The following XKR4 variants were observed in gnomAD, a reference collection of about 807,000 sequenced individuals.
XKR4 encodes the protein XK-related protein 4.
XKR4 carries 12 observed loss-of-function variants against 53.9 expected under a neutral mutation model. That is an observed-to-expected ratio of 0.22 (90% CI 0.14 to 0.36). XKR4 has a LOEUF of 0.36. Among genes scored for constraint, XKR4 ranks in the 10% least tolerant of loss-of-function variants. XKR4 has a pLI of 1.00. For synonymous variants in XKR4, 354 were observed against 362.4 expected (o/e 0.98, Z 0.26); for missense variants, 799 against 859.5 (o/e 0.93, Z 0.88).
intron 2 of XKR4, among the ~76,000 whole-genome samples, chr8:55,360,661 A>G (rs1218902627): frequency 2.0e-5 from 3 of 152,248 alleles, no homozygotes; most frequent in South Asian, 2.1e-4. Flanking sequence ...GTGACTGTCT[A>G]AAATTACTAT....
Position 55,167,550 on chromosome 8 carries a change from C to T in XKR4, c.806+64256C>T, listed in dbSNP as rs150028704. Among the ~76,000 whole-genome samples the T allele has an allele frequency of 5.2e-3, 789 of 152,278 alleles. 3 individuals carry two copies. The highest frequency in any genetic ancestry group is 9.0e-3 in the Non-Finnish European group (609 of 68,020). On this transcript the variant is annotated intron_variant, in intron 1 of 2. Transcript: ENST00000327381. Reference sequence around the variant, plus strand: ...GCCACCTGCCAACAAGGAATGATTGCGATAGACTTCGGAAGCAAGACATGA... The same window carrying T: ...GCCACCTGCCAACAAGGAATGATTGTGATAGACTTCGGAAGCAAGACATGA...
At chr8:55,181,878 C>T (rs1161484093) in intron 1 of XKR4, among the ~76,000 whole-genome samples, 1 of 152,032 alleles carries the variant, frequency 6.6e-6, no homozygotes, top group Non-Finnish European at 1.5e-5. Context: ...TGAACTCCCT[C>T]AGACTGAATT....
chr8:55,404,110 A>G (rs1173898546), intron 2 of XKR4, among the ~76,000 whole-genome samples: 3 of 152,114 alleles, frequency 2.0e-5, no homozygotes, highest in Non-Finnish European at 4.4e-5. Flanking sequence ...TATTACCTTA[A>G]ACTCTGTTTT....
chr8:55,289,648 AGG>A (rs1818965378), intron 1 of XKR4, among the ~76,000 whole-genome samples: 4 of 116,118 alleles, frequency 3.4e-5, no homozygotes, highest in Admixed American at 1.7e-4. Context: ...AAAGAAAGAA[AGG>A]AAGGAAGGAA....
intron 2 of XKR4, among the ~76,000 whole-genome samples, chr8:55,421,525 ATCTCTC>A (rs71256537): frequency 1.3e-5 from 2 of 149,976 alleles, no homozygotes; most frequent in African/African-American, 4.9e-5. Context: ...GCACCTTGGC[ATCTCTC>A]TCTCTCTCTC....
intron 1 of XKR4, among the ~76,000 whole-genome samples, chr8:55,241,669 C>A (rs544526394): frequency 3.5e-4 from 53 of 152,174 alleles, no homozygotes; most frequent in Non-Finnish European, 6.8e-4. Flanking sequence ...TTCAATCATT[C>A]CCCTAGGTCT....
rs1806941614 is a variant in XKR4 at position 55,530,802 on chromosome 8, A to C, written c.*6575A>C. On this transcript the variant is annotated 3_prime_UTR_variant, in exon 3 of 3. Coordinates refer to ENST00000327381, the MANE Select transcript of XKR4 (RefSeq NM_052898.2). ...GCTTTATCACTTTATTTTATAGATG[A>C]GACAACTGAGATCCAAAAAGAACAG... The C allele has an allele frequency of 6.6e-6, 1 of 152,216 alleles. No individual in the cohort carries two copies. Among genetic ancestry groups the C allele is most frequent in the African/African-American group, 2.4e-5 (1 of 41,454 alleles). The allele number at this position is 152,216 out of a possible 1,614,324, so 9.4% of individuals were successfully genotyped here.
intron 1 of XKR4, among the ~76,000 whole-genome samples, chr8:55,107,356 C>CT (rs1162045892): frequency 6.6e-6 from 1 of 152,080 alleles, no homozygotes; most frequent in Non-Finnish European, 1.5e-5. Context: ...GCTGAACTGG[C>CT]TACCTCCAAA....
intron 2 of XKR4, among the ~76,000 whole-genome samples, chr8:55,433,261 G>A (rs1021513872): frequency 6.6e-6 from 1 of 152,136 alleles, no homozygotes. Flanking sequence ...GCTGTGCCTT[G>A]GAACTATAAC....
intron 2 of XKR4, among the ~76,000 whole-genome samples, chr8:55,385,091 A>G (rs1804289776): frequency 6.6e-6 from 1 of 152,190 alleles, no homozygotes. Flanking sequence ...AGGATGCTCT[A>G]CATTGGCAAT....
At chr8:55,435,454 G>C (rs1228372784) in intron 2 of XKR4, among the ~76,000 whole-genome samples, 1 of 152,068 alleles carries the variant, frequency 6.6e-6, no homozygotes, top group East Asian at 1.9e-4. Flanking sequence ...TATGACTGCA[G>C]TGGTAGGAAA....
chr8:55,376,268 T>C (rs1253246326), intron 2 of XKR4, among the ~76,000 whole-genome samples: 1 of 152,180 alleles, frequency 6.6e-6, no homozygotes, highest in East Asian at 1.9e-4. Flanking sequence ...CTGGGTAAAA[T>C]GGTATTTCTG....
intron 2 of XKR4, among the ~76,000 whole-genome samples, chr8:55,483,411 G>A (rs1806143239): frequency 6.6e-6 from 1 of 152,162 alleles, no homozygotes; most frequent in Admixed American, 6.5e-5. Context: ...AATGTTAAGA[G>A]AGTGGTATGA....
chr8:55,294,148 A>C (rs1819067113), intron 1 of XKR4, among the ~76,000 whole-genome samples: 1 of 152,176 alleles, frequency 6.6e-6, no homozygotes, highest in African/African-American at 2.4e-5. Flanking sequence ...CAATTCTGAT[A>C]ATTGTCTCCT....
chr8:55,360,630 G>C (rs568000707), intron 2 of XKR4, among the ~76,000 whole-genome samples: 19 of 152,178 alleles, frequency 1.2e-4, no homozygotes, highest in Non-Finnish European at 2.6e-4. Flanking sequence ...ATTTAGCAGG[G>C]AGAGAATGGT....
chr8:55,167,889 G>A (rs1817091706), intron 1 of XKR4, among the ~76,000 whole-genome samples: 2 of 152,156 alleles, frequency 1.3e-5, no homozygotes, highest in Admixed American at 1.3e-4. Flanking sequence ...GGGAAGTAGG[G>A]CAACCAGGCA....
At chr8:55,419,554 A>G (rs1804895713) in intron 2 of XKR4, among the ~76,000 whole-genome samples, 1 of 152,246 alleles carries the variant, frequency 6.6e-6, no homozygotes, top group East Asian at 1.9e-4. Flanking sequence ...TTTTTAATAC[A>G]TGAGGTAATT....
chr8:55,177,265 G>A (rs1817248410), intron 1 of XKR4, among the ~76,000 whole-genome samples: 1 of 152,094 alleles, frequency 6.6e-6, no homozygotes, highest in South Asian at 2.1e-4. Flanking sequence ...TCAAACTCCT[G>A]ACCTCAGGCC....
At chr8:55,467,988 T>A (rs1471730584) in intron 2 of XKR4, among the ~76,000 whole-genome samples, 2 of 152,184 alleles carry the variant, frequency 1.3e-5, no homozygotes, top group Non-Finnish European at 2.9e-5. Flanking sequence ...CATAATCAGA[T>A]CTATTAACAT....
Sources: allele counts gnomAD v4.1 joint callset (sites outside exome capture counted in the v4.1 genomes callset), GRCh38; gene constraint gnomAD v4.1.1; transcripts MANE v1.5; gene names NCBI Gene and HGNC (gene_info 2026-07-23, HGNC 2026-07-21).